The following CSNK1D variants were observed in gnomAD, a reference collection of about 807,000 sequenced individuals.
CSNK1D encodes casein kinase 1 delta.
CSNK1D carries 16 observed loss-of-function variants against 46.6 expected under a neutral mutation model. The ratio of observed to expected loss-of-function variants is 0.34; its 90% confidence interval spans 0.23 to 0.52. CSNK1D has a LOEUF of 0.52. Ranked by LOEUF, CSNK1D falls within the 20% of genes least tolerant of loss-of-function variation. The pLI is 0.95. For missense variants in CSNK1D, 398 were observed against 578.4 expected, an observed-to-expected ratio of 0.69 and a Z score of 3.20; for synonymous variants, 276 against 228.2, an observed-to-expected ratio of 1.21 and a Z score of -1.89.
chr17:82,248,955 G>A lies in CSNK1D; in HGVS notation c.1117C>T (p.Leu373=). 6.3e-7 allele frequency: 1 copy of A among 1,595,036 alleles called. No homozygotes were observed. Among genetic ancestry groups the A allele is most frequent in the South Asian group, 1.1e-5 (1 of 88,512 alleles). ...ATGTTGACGGGGGCCCCGCGGTGCAGCCGCATACTCACTTTCCGCTCTCTC... is the reference window on the plus strand; with the variant it reads ...ATGTTGACGGGGGCCCCGCGGTGCAACCGCATACTCACTTTCCGCTCTCTC... ...MERERKVSMR[L]HRGAPVNISS... The change falls in exon 8 of 9, where the codon CTG becomes TTG. Residue 373 remains leucine, a synonymous_variant. Coordinates refer to ENST00000314028, the MANE Select transcript of CSNK1D (RefSeq NM_001893.6). This position sits in a 1 kb window ranked among gnomAD's most constrained non-coding sequence, Gnocchi z 4.1.
rs546818428 is a variant in CSNK1D at position 82,251,765 on chromosome 17, C to T, written c.737-238G>A. The T allele has an allele frequency of 1.1e-4, 56 of 516,460 alleles. 1 individual carries two copies. In the East Asian group the frequency reaches 1.7e-3, roughly 16 times the overall value. The allele number at this position is 516,460 out of a possible 1,614,324, so 32.0% of individuals were successfully genotyped here. A position where few individuals can be genotyped will look rare whatever the true frequency, so the allele number is the denominator to read the frequency against. The stretch of plus-strand genomic sequence containing the variant: ...CAGCACTCTAGGAGGCTGAGGAGGG[C>T]GGATCACGAGGTCAGGAGATCAAGA... On this transcript the variant is annotated intron_variant, in intron 5 of 8. Transcript: ENST00000314028. This position sits in a 1 kb window ranked among gnomAD's most constrained non-coding sequence, Gnocchi z 4.5.
chr17:82,273,724 G>A (rs2051706342), upstream of CSNK1D: 1 of 490,064 alleles, frequency 2.0e-6, no homozygotes, highest in Non-Finnish European at 3.6e-6. This position sits in a 1 kb window ranked among gnomAD's most constrained non-coding sequence, Gnocchi z 5.1. Context: ...CTAGCAACCC[G>A]GCGGGGCGGG....
At chr17:82,241,128 G>C (rs949570403), downstream of CSNK1D, among the ~76,000 whole-genome samples, 2 of 152,166 alleles carry the variant, frequency 1.3e-5, no homozygotes, top group Non-Finnish European at 2.9e-5. Flanking sequence ...TGGGGTGGGG[G>C]TGGGGGGCAG....
In CSNK1D at chr17:82,251,187, T is replaced by C; in HGVS notation, c.885+192A>G. The C allele has an allele frequency of 3.1e-6, 2 of 644,278 alleles. No homozygotes were observed. The highest frequency in any genetic ancestry group is 5.4e-6 in the Non-Finnish European group (2 of 367,916). The allele number at this position is 644,278 out of a possible 1,614,324, so 39.9% of individuals were successfully genotyped here. A position where few individuals can be genotyped will look rare whatever the true frequency, so the allele number is the denominator to read the frequency against. On this transcript the variant is annotated intron_variant, in intron 6 of 8. Coordinates refer to ENST00000314028, the MANE Select transcript of CSNK1D (RefSeq NM_001893.6). This position sits in a 1 kb window ranked among gnomAD's most constrained non-coding sequence, Gnocchi z 4.5. The stretch of plus-strand genomic sequence containing the variant: ...CCCCTCTGCGTTCCCTAATGGCGTC[T>C]TACTTCTTGGCACCCCTTTCTGGCA...
chr17:82,267,947 T>A (rs1252394625), intron 1 of CSNK1D, among the ~76,000 whole-genome samples: 1 of 152,252 alleles, frequency 6.6e-6, no homozygotes, highest in Non-Finnish European at 1.5e-5. Flanking sequence ...CAGTCACACC[T>A]GCAGCACTGA....
chr17:82,265,282 GA>G, intron 2 of CSNK1D: 1 of 310,338 alleles, frequency 3.2e-6, no homozygotes, highest in Non-Finnish European at 6.3e-6. Context: ...AGACTCAGGC[GA>G]TTCTCCTGCC....
Position 82,273,546 on chromosome 17 carries a change from C to T in CSNK1D, c.-165G>A. ...TCCTGTCGCCCCGCCGCTCCCAGCG[C>T]CTCAATACGGGGCGGATGGGACAGT... is the stretch of plus-strand genomic sequence containing the variant. On this transcript the variant is annotated 5_prime_UTR_variant, in exon 1 of 9. Transcript: ENST00000314028. The surrounding 1 kb of genome is among the most constrained non-coding windows in gnomAD (Gnocchi z 5.1). The T allele has an allele frequency of 1.2e-6, 1 of 849,554 alleles. No individual in the cohort carries two copies. Among genetic ancestry groups the T allele is most frequent in the Non-Finnish European group, 1.8e-6 (1 of 547,188 alleles). 52.6% of individuals were successfully genotyped at this position (849,554 alleles called of 1,614,324 possible).
intron 3 of CSNK1D, chr17:82,253,491 T>C: frequency 2.0e-6 from 1 of 504,402 alleles, no homozygotes. Context: ...AACAGAGAGG[T>C]GAGGCGACAG....
At chr17:82,265,506 G>A (rs1414999520) in intron 2 of CSNK1D, 180 bp downstream of exon 2, 2 of 642,270 alleles carry the variant, frequency 3.1e-6, no homozygotes, top group African/African-American at 3.6e-5. Flanking sequence ...TGTTGAGGGA[G>A]GGTCTCTGGA....
Position 82,273,066 on chromosome 17 carries a change from C to T in CSNK1D, c.76+240G>A, listed in dbSNP as rs1407543464. 1 of 499,166 alleles carries T rather than the reference C, an allele frequency of 2.0e-6. No homozygotes were observed. Among genetic ancestry groups the T allele is most frequent in the African/African-American group, 2.1e-5 (1 of 47,690 alleles). The allele number at this position is 499,166 out of a possible 1,614,324, so 30.9% of individuals were successfully genotyped here. ...CTATCCCCTCCTTCCCCAACCCTCC[C>T]CTCTCCAGACCCTGCTCCCCCGACC... On this transcript the variant is annotated intron_variant, in intron 1 of 8. Transcript: ENST00000314028. This position sits in a 1 kb window ranked among gnomAD's most constrained non-coding sequence, Gnocchi z 5.1.
At chr17:82,269,477 C>A (rs906364553) in intron 1 of CSNK1D, among the ~76,000 whole-genome samples, 1 of 152,186 alleles carries the variant, frequency 6.6e-6, no homozygotes, top group Non-Finnish European at 1.5e-5. Flanking sequence ...ACCCTGCAGG[C>A]TGCCTCTTGA....
In CSNK1D at chr17:82,248,709, C is replaced by T; in HGVS notation, c.1197+166G>A. On this transcript the variant is annotated intron_variant, in intron 8 of 8. Transcript: ENST00000314028. This position sits in a 1 kb window ranked among gnomAD's most constrained non-coding sequence, Gnocchi z 4.1. ...GGCCCAGCATGTCTCCCAGGCCCTC[C>T]CGAGAAGCCTCATCTGCAACCAAGA... 1 of 1,453,590 alleles carries T rather than the reference C, an allele frequency of 6.9e-7. No individual in the cohort carries two copies. Among genetic ancestry groups the T allele is most frequent in the Non-Finnish European group, 9.1e-7 (1 of 1,103,956 alleles). 90.0% of individuals were successfully genotyped at this position (1,453,590 alleles called of 1,614,324 possible).
upstream of CSNK1D, chr17:82,273,736 C>T (rs1453279186): frequency 1.0e-5 from 5 of 477,868 alleles, no homozygotes; most frequent in Non-Finnish European, 1.8e-5. This position sits in a 1 kb window ranked among gnomAD's most constrained non-coding sequence, Gnocchi z 5.1. Flanking sequence ...CGGGGCGGGG[C>T]CGCGGCGCTC....
rs2051028725 is a variant in CSNK1D, at chr17:82,252,142, G to C, written c.736+292C>G. The stretch of plus-strand genomic sequence containing the variant: ...GCAGAGAGAGGCCCCACCACTGCCT[G>C]TCCATCCCTTTCCAGCCACTTGGGG... On this transcript the variant is annotated intron_variant, in intron 5 of 8. Coordinates refer to ENST00000314028, the MANE Select transcript of CSNK1D (RefSeq NM_001893.6). The surrounding 1 kb of genome is among the most constrained non-coding windows in gnomAD (Gnocchi z 4.6). 6.6e-6 allele frequency among the ~76,000 whole-genome samples: 1 copy of C among 152,220 alleles called. No homozygotes were observed. Among genetic ancestry groups the C allele is most frequent in the South Asian group, 2.1e-4 (1 of 4,834 alleles).
At chr17:82,257,754 C>G (rs1348402645) in intron 2 of CSNK1D, among the ~76,000 whole-genome samples, 5 of 152,210 alleles carry the variant, frequency 3.3e-5, no homozygotes, top group Non-Finnish European at 5.9e-5. Context: ...TGAGGAGGAG[C>G]CTGCAGAATG....
At chr17:82,253,586 G>T in intron 3 of CSNK1D, 1 of 371,774 alleles carries the variant, frequency 2.7e-6, no homozygotes, top group South Asian at 2.1e-5. Flanking sequence ...CAGAGAAACT[G>T]CACGGAGGTG....
chr17:82,241,900 T>TGGGGCTCAGAAAGC (rs2071936405), downstream of CSNK1D, among the ~76,000 whole-genome samples: 1 of 152,154 alleles, frequency 6.6e-6, no homozygotes, highest in African/African-American at 2.4e-5. Flanking sequence ...CCCCGGAACG[T>TGGGGCTCAGAAAGC]GGGGCTCAGA....
intron 1 of CSNK1D, among the ~76,000 whole-genome samples, chr17:82,269,618 A>G (rs985484886): frequency 2.0e-5 from 3 of 152,242 alleles, no homozygotes; most frequent in South Asian, 2.1e-4. Context: ...TGACAAGCTG[A>G]TGGTGCGATG....
intron 1 of CSNK1D, chr17:82,271,961 C>G (rs1266360243): frequency 1.3e-5 from 2 of 152,298 alleles, no homozygotes; most frequent in East Asian, 1.9e-4. Flanking sequence ...TCTGCAGGCA[C>G]ACCGCCTCAG....
Sources: allele counts gnomAD v4.1 joint callset (sites outside exome capture counted in the v4.1 genomes callset), GRCh38; gene constraint gnomAD v4.1.1; non-coding constraint Gnocchi (gnomAD v3.1); transcripts MANE v1.5; gene names NCBI Gene and HGNC (gene_info 2026-07-23, HGNC 2026-07-21).